The following CCDC60 variants were observed in gnomAD, a reference collection of about 807,000 sequenced individuals.
The protein encoded by CCDC60 is coiled-coil domain containing 60.
A neutral mutation model predicts 63.5 loss-of-function variants in CCDC60; 54 were observed. The ratio of observed to expected loss-of-function variants is 0.85; its 90% CI spans 0.68 to 1.07. The LOEUF (loss-of-function observed/expected upper bound fraction) is 1.07, where lower values mean the gene tolerates loss of function less well. Ranked by LOEUF, CCDC60 falls within the 50% of genes least tolerant of loss-of-function variation. The pLI is 0.00. For synonymous variants in CCDC60, 206 were observed against 238.8 expected (o/e 0.86, Z 1.27); for missense variants, 651 against 684.3 (o/e 0.95, Z 0.54).
chr12:119,345,979 C>G (rs993727243), intron 1 of CCDC60, among the ~76,000 whole-genome samples: 1 of 147,876 alleles, frequency 6.8e-6, no homozygotes. Context: ...CCATACCCAG[C>G]TGATTTTTTT....
Position 119,452,814 on chromosome 12 carries a change from GT to G in CCDC60, c.171-19170del, listed in dbSNP as rs78696291. ...TAGAGTTAGAGTTAGAATTTGGCTT[GT>G]TTTTTTTTTGTTTGTTTGTTTGTTT... On this transcript the variant is annotated intron_variant, in intron 2 of 13. Transcript: ENST00000327554. 4.0e-4 allele frequency among the ~76,000 whole-genome samples: 58 copies of G among 144,538 alleles called. 1 individual carries two copies. The highest frequency in any genetic ancestry group is 3.5e-3 in the Admixed American group (51 of 14,780). The allele number at this position is 144,538 out of a possible 152,430, so 94.8% of individuals were successfully genotyped here.
chr12:119,382,411 T>A (rs577465437), intron 1 of CCDC60, among the ~76,000 whole-genome samples: 1 of 152,268 alleles, frequency 6.6e-6, no homozygotes, highest in Admixed American at 6.5e-5. Context: ...TTCATCCCAA[T>A]AAGTCCTGAC....
At chr12:119,523,211 G>T (rs1952577462) in intron 10 of CCDC60, among the ~76,000 whole-genome samples, 1 of 152,198 alleles carries the variant, frequency 6.6e-6, no homozygotes, top group Admixed American at 6.5e-5. Flanking sequence ...CTCCTCCGCT[G>T]TGCCAGGCAC....
At chr12:119,534,076 G>C (rs1340687169) in intron 13 of CCDC60, among the ~76,000 whole-genome samples, 2 of 152,112 alleles carry the variant, frequency 1.3e-5, no homozygotes, top group African/African-American at 2.4e-5. Flanking sequence ...CCATTTGTTT[G>C]TGTCCTCTTT....
chr12:119,482,394 C>G (rs1473523203), intron 4 of CCDC60, among the ~76,000 whole-genome samples: 1 of 152,016 alleles, frequency 6.6e-6, no homozygotes, highest in Non-Finnish European at 1.5e-5. Context: ...CAGGGGTCAG[C>G]AAACTTTTCT....
chr12:119,353,543 T>A (rs1402538757), intron 1 of CCDC60, among the ~76,000 whole-genome samples: 2 of 151,492 alleles, frequency 1.3e-5, no homozygotes, highest in Non-Finnish European at 2.9e-5. Context: ...TCATTCTTTG[T>A]CTCTCTATGT....
intron 4 of CCDC60, chr12:119,479,645 AG>A: frequency 6.5e-6 from 1 of 154,404 alleles, no homozygotes; most frequent in Non-Finnish European, 1.4e-5. Context: ...AACCTTCCAA[AG>A]AACACTCTTG....
intron 9 of CCDC60, 95 bp downstream of exon 9, chr12:119,520,287 T>C (rs1196964916): frequency 1.9e-6 from 2 of 1,067,676 alleles, no homozygotes; most frequent in Non-Finnish European, 2.8e-6. Flanking sequence ...CCATGGAAAG[T>C]GGGACAGGAA....
chr12:119,471,911 T>C (rs1951067722), intron 2 of CCDC60, 83 bp from the exon 3 acceptor site: 2 of 1,175,654 alleles, frequency 1.7e-6, no homozygotes, highest in South Asian at 3.0e-5. Flanking sequence ...TCTCTCTCTT[T>C]CTTTCTCTCC....
Position 119,420,571 on chromosome 12 carries a change from A to G in CCDC60, c.91-8112A>G, listed in dbSNP as rs1233616177. Reference sequence around the variant, plus strand: ...GGATGGTTATTAGAGGCTGGGAAGGATAGTGGGGGATGGGGGGCAGAAGGT... The same window carrying G: ...GGATGGTTATTAGAGGCTGGGAAGGGTAGTGGGGGATGGGGGGCAGAAGGT... On this transcript the variant is annotated intron_variant, in intron 1 of 13. Transcript: ENST00000327554. This position sits in a 1 kb window ranked among gnomAD's most constrained non-coding sequence, Gnocchi z 4.1. Among the ~76,000 whole-genome samples, 3 of 152,148 alleles carry G rather than the reference A, an allele frequency of 2.0e-5. No homozygotes were observed. The highest frequency in any genetic ancestry group is 2.0e-4 in the Admixed American group (3 of 15,270).
intron 1 of CCDC60, among the ~76,000 whole-genome samples, chr12:119,360,169 C>T (rs1195612239): frequency 1.4e-5 from 2 of 147,722 alleles, no homozygotes; most frequent in African/African-American, 5.1e-5. Context: ...GGGGCTGACC[C>T]CCCCCCACCT....
chr12:119,529,685 C>T (rs1952784928), intron 12 of CCDC60, among the ~76,000 whole-genome samples: 1 of 152,090 alleles, frequency 6.6e-6, no homozygotes, highest in African/African-American at 2.4e-5. Context: ...AATGTCTGGC[C>T]CTGAAGATAC....
At chr12:119,514,528 A>T (rs865879467) in intron 7 of CCDC60, among the ~76,000 whole-genome samples, 45 of 152,236 alleles carry the variant, frequency 3.0e-4, no homozygotes, top group Admixed American at 5.2e-4. Flanking sequence ...AAAAAATTTT[A>T]AAAAATAGAA....
chr12:119,425,768 A>C (rs1326089546), intron 1 of CCDC60, among the ~76,000 whole-genome samples: 2 of 152,206 alleles, frequency 1.3e-5, no homozygotes, highest in African/African-American at 4.8e-5. Flanking sequence ...TGCTTCTCAG[A>C]AGCCCCTAGA....
chr12:119,383,538 G>A (rs990791232), intron 1 of CCDC60, among the ~76,000 whole-genome samples: 6 of 152,204 alleles, frequency 3.9e-5, no homozygotes, highest in Admixed American at 1.3e-4. Flanking sequence ...CTCTAGGGCC[G>A]CGACAGCTAT....
intron 1 of CCDC60, among the ~76,000 whole-genome samples, chr12:119,363,010 A>G (rs936073954): frequency 6.6e-6 from 1 of 152,248 alleles, no homozygotes; most frequent in African/African-American, 2.4e-5. Flanking sequence ...GGGCAGGAGA[A>G]TCGCTTGAAT....
At chr12:119,470,272 G>T (rs1951030973) in intron 2 of CCDC60, among the ~76,000 whole-genome samples, 1 of 152,164 alleles carries the variant, frequency 6.6e-6, no homozygotes, top group Admixed American at 6.5e-5. Context: ...TGGTACATTA[G>T]GTTGAGAGTA....
chr12:119,346,835 T>TCTTTCTTTCTTTCTTTC (rs1555230504), intron 1 of CCDC60, among the ~76,000 whole-genome samples: 1 of 144,038 alleles, frequency 6.9e-6, no homozygotes, highest in Non-Finnish European at 1.5e-5. Flanking sequence ...TTTCTTTCTT[T>TCTTTCTTTCTTTCTTTC]TTTTTTTGAG....
chr12:119,389,995 A>G (rs1338820541), intron 1 of CCDC60, among the ~76,000 whole-genome samples: 1 of 152,186 alleles, frequency 6.6e-6, no homozygotes, highest in East Asian at 1.9e-4. Flanking sequence ...CTCCAGAGGG[A>G]AATATGTCTG....
Sources: allele counts gnomAD v4.1 joint callset (sites outside exome capture counted in the v4.1 genomes callset), GRCh38; gene constraint gnomAD v4.1.1; non-coding constraint Gnocchi (gnomAD v3.1); transcripts MANE v1.5; gene names NCBI Gene and HGNC (gene_info 2026-07-23, HGNC 2026-07-21).